NAALADL2: variants seen among roughly 807,000 people sequenced by gnomAD.
NAALADL2 encodes inactive N-acetylated-alpha-linked acidic dipeptidase-like protein 2.
A neutral mutation model predicts 87.2 loss-of-function variants in NAALADL2; 76 were observed. The ratio of observed to expected loss-of-function variants is 0.87; its 90% CI spans 0.72 to 1.05. The LOEUF (loss-of-function observed/expected upper bound fraction) is 1.05. Among genes scored for constraint, NAALADL2 ranks in the 50% least tolerant of loss-of-function variants. NAALADL2 has a pLI of 0.00. For missense variants in NAALADL2, 1,089 were observed against 945.8 expected (o/e 1.15, Z -1.99); for synonymous variants, 354 against 331.0 (o/e 1.07, Z -0.75).
intron 1 of NAALADL2, among the ~76,000 whole-genome samples, chr3:175,054,817 T>C (rs1014586191): frequency 6.6e-6 from 1 of 152,200 alleles, no homozygotes; most frequent in Non-Finnish European, 1.5e-5. Context: ...TATGTTGACT[T>C]TGAGGGCTGT....
intron 2 of NAALADL2, among the ~76,000 whole-genome samples, chr3:174,617,932 CT>C (rs1169556835): frequency 6.6e-6 from 1 of 151,668 alleles, no homozygotes; most frequent in Non-Finnish European, 1.5e-5. Context: ...AACTTATCCT[CT>C]AAAAAGGATC....
intron 1 of NAALADL2, among the ~76,000 whole-genome samples, chr3:174,533,916 T>A (rs192755464): frequency 3.9e-4 from 60 of 152,270 alleles, no homozygotes; most frequent in African/African-American, 1.4e-3. Context: ...TAGAATCAAT[T>A]AAAAACAAGA....
rs143309973 is a variant in NAALADL2 at position 175,343,292 on chromosome 3, A to G, written c.1090+18967A>G. 1.1e-4 allele frequency among the ~76,000 whole-genome samples: 17 copies of G among 152,250 alleles called. No individual in the cohort carries two copies. The East Asian group carries it at 3.1e-3, about 28-fold the overall frequency. ...TACAGCAGTAAATGCTTTGGCATATATAGAGTTTCTCCATTGCACACATGA... is the reference window on the plus strand; with the variant it reads ...TACAGCAGTAAATGCTTTGGCATATGTAGAGTTTCTCCATTGCACACATGA... On this transcript the variant is annotated intron_variant, in intron 5 of 13. Transcript: ENST00000454872.
intron 2 of NAALADL2, among the ~76,000 whole-genome samples, chr3:175,153,655 A>G (rs1731882465): frequency 6.6e-6 from 1 of 152,196 alleles, no homozygotes; most frequent in Admixed American, 6.5e-5. Flanking sequence ...ATATTGATAG[A>G]AGAGATCACC....
At chr3:175,344,778 T>C (rs1171527383) in intron 5 of NAALADL2, among the ~76,000 whole-genome samples, 1 of 152,134 alleles carries the variant, frequency 6.6e-6, no homozygotes, top group Non-Finnish European at 1.5e-5. Context: ...TATTAATTTT[T>C]TATCATTTGA....
chr3:175,473,481 C>A (rs9851680), intron 9 of NAALADL2, among the ~76,000 whole-genome samples: 100,998 of 151,364 alleles, frequency 0.67, 35,218 homozygotes, highest in East Asian at 0.83. Flanking sequence ...ATCACAACTT[C>A]AAGCAAAGGA....
intron 1 of NAALADL2, among the ~76,000 whole-genome samples, chr3:175,074,509 A>C (rs1026270500): frequency 1.1e-4 from 16 of 152,252 alleles, no homozygotes; most frequent in African/African-American, 3.8e-4. Context: ...TGAAATAAAT[A>C]CATTAACTTT....
At chr3:174,783,565 T>C (rs1379159594) in intron 3 of NAALADL2, among the ~76,000 whole-genome samples, 3 of 152,180 alleles carry the variant, frequency 2.0e-5, no homozygotes, top group Non-Finnish European at 4.4e-5. Flanking sequence ...TGTCAATTTG[T>C]AGGCCAAATT....
intron 2 of NAALADL2, among the ~76,000 whole-genome samples, chr3:174,632,739 T>C (rs1245228119): frequency 3.3e-5 from 5 of 151,834 alleles, no homozygotes; most frequent in Non-Finnish European, 7.4e-5. Context: ...ATCGAGACCA[T>C]CCTGGTCAAA....
At chr3:174,736,498 C>CTCTCCACAGCTGGT (rs766240138) in intron 2 of NAALADL2, among the ~76,000 whole-genome samples, 4 of 151,976 alleles carry the variant, frequency 2.6e-5, no homozygotes, top group Non-Finnish European at 5.9e-5. Context: ...TGGGTAGCTC[C>CTCTCCACAGCTGGT]TCTCCACAGC....
At chr3:174,843,636 A>G (rs1724265493) in intron 3 of NAALADL2, among the ~76,000 whole-genome samples, 1 of 152,158 alleles carries the variant, frequency 6.6e-6, no homozygotes, top group African/African-American at 2.4e-5. Flanking sequence ...ATAGTGCTCT[A>G]TTAATCTGTA....
At chr3:174,883,589 G>T (rs1324366162) in intron 1 of NAALADL2, among the ~76,000 whole-genome samples, 2 of 152,192 alleles carry the variant, frequency 1.3e-5, no homozygotes, top group Non-Finnish European at 2.9e-5. Context: ...CTTAGTACAA[G>T]TGTATACATG....
At chr3:175,323,494 TAAAA>T (rs1158823047) in intron 4 of NAALADL2, among the ~76,000 whole-genome samples, 7 of 150,784 alleles carry the variant, frequency 4.6e-5, no homozygotes, top group Non-Finnish European at 8.9e-5. Context: ...ATAATAATAA[TAAAA>T]AAAAGAACCT....
intron 4 of NAALADL2, among the ~76,000 whole-genome samples, chr3:175,304,491 G>A (rs1757460054): frequency 6.6e-6 from 1 of 152,152 alleles, no homozygotes; most frequent in Non-Finnish European, 1.5e-5. Flanking sequence ...AATGACACAT[G>A]CCTGTACTCA....
intron 1 of NAALADL2, among the ~76,000 whole-genome samples, chr3:175,065,863 T>A (rs1020227966): frequency 2.0e-5 from 3 of 152,222 alleles, no homozygotes; most frequent in Non-Finnish European, 4.4e-5. Context: ...CTGAATTTAG[T>A]TATGTAAGTT....
At chr3:175,712,918 AT>A (rs1465990366) in intron 11 of NAALADL2, among the ~76,000 whole-genome samples, 1 of 152,146 alleles carries the variant, frequency 6.6e-6, no homozygotes, top group African/African-American at 2.4e-5. Context: ...AGCTACTGAG[AT>A]TTGGGGGGTT....
intron 5 of NAALADL2, among the ~76,000 whole-genome samples, chr3:175,426,106 G>C (rs1481447319): frequency 6.6e-6 from 1 of 152,162 alleles, no homozygotes; most frequent in Non-Finnish European, 1.5e-5. Flanking sequence ...GCTCATGCCT[G>C]TAATCCCAGC....
chr3:174,561,897 C>T (rs1713662180), intron 2 of NAALADL2, among the ~76,000 whole-genome samples: 1 of 152,170 alleles, frequency 6.6e-6, no homozygotes, highest in Non-Finnish European at 1.5e-5. Flanking sequence ...TATAGCTCTT[C>T]AAGTGCATTT....
chr3:174,923,533 TAGTG>T (rs1301686637), intron 1 of NAALADL2, among the ~76,000 whole-genome samples: 1 of 152,146 alleles, frequency 6.6e-6, no homozygotes, highest in Non-Finnish European at 1.5e-5. Context: ...ATTTTTAAAT[TAGTG>T]AGCAAAAGTT....
Sources: allele counts gnomAD v4.1 joint callset (sites outside exome capture counted in the v4.1 genomes callset), GRCh38; gene constraint gnomAD v4.1.1; transcripts MANE v1.5; gene names NCBI Gene and HGNC (gene_info 2026-07-23, HGNC 2026-07-21).